Variants in UPK3B observed in about 807,000 individuals in gnomAD.
UPK3B encodes the protein uroplakin-3b.
A neutral mutation model predicts 27.6 loss-of-function variants in UPK3B; 21 were observed. The observed-to-expected ratio is 0.76, with a 90% CI of 0.54 to 1.10. UPK3B has a LOEUF of 1.10. Among genes scored for constraint, UPK3B ranks in the 50% least tolerant of loss-of-function variants. The pLI is 0.00. For synonymous variants in UPK3B, 141 were observed against 162.3 expected (o/e 0.87, Z 1.00); for missense variants, 306 against 376.1 (o/e 0.81, Z 1.54).
rs1421919074 is a variant in UPK3B, at chr7:76,511,823, C to A, written c.402C>A (p.Asp134Glu). The part of the protein sequence containing the change: ...GGAPVLRVGH[D>E]HGCHQQPFCN... ...CCCCCGTGCTGCGGGTGGGCCATGA[C>A]CACGGCTGCCACCAGCAGCCCTTCT... The change falls in exon 3 of 6, where the codon GAC (aspartate) becomes GAA (glutamate). Residue 134 changes from aspartate to glutamate, a missense_variant. Coordinates refer to ENST00000334348, the MANE Select transcript of UPK3B (RefSeq NM_001347684.2). 1.3e-6 allele frequency: 2 copies of A among 1,501,514 alleles called. No homozygotes were observed. The highest frequency in any genetic ancestry group is 1.8e-6 in the Non-Finnish European group (2 of 1,121,362). 93.0% of individuals were successfully genotyped at this position (1,501,514 alleles called of 1,614,324 possible).
In UPK3B at chr7:76,513,150, C is replaced by G. The variant is rs1812594559; in HGVS notation, c.528C>G (p.Ile176Met). ...CTGAGACCAAGTGGTCAGACCCCAT[C>G]ACTCTCCACCAAGGTAGCGCTGGGC... The part of the protein sequence containing the change: ...PRAETKWSDP[I>M]TLHQGKTPGS... The change falls in exon 4 of 6, where the codon ATC (isoleucine) becomes ATG (methionine). Residue 176 changes from isoleucine (I) to methionine (M), a missense_variant. Physicochemically the swap from Ile to Met is conservative, Grantham distance 10. Transcript: ENST00000334348. 6.2e-7 allele frequency: 1 copy of G among 1,613,616 alleles called. No homozygotes were observed. The highest frequency in any genetic ancestry group is 8.5e-7 in the Non-Finnish European group (1 of 1,179,906).
chr7:76,516,139 G>T lies in UPK3B; in HGVS notation c.*935G>T. On this transcript the variant is annotated 3_prime_UTR_variant, in exon 6 of 6. Transcript: ENST00000334348. ...GTGAGCCGCAGCCAGGCCGCCTCAC[G>T]GCCAGTGTGCATGCTCGCTGCTATT... The T allele has an allele frequency of 3.8e-5, 23 of 611,694 alleles. 10 individuals are homozygous for T. Among genetic ancestry groups the T allele is most frequent in the Non-Finnish European group, 4.3e-5 (23 of 529,924 alleles). The allele number at this position is 611,694 out of a possible 1,614,324, so 37.9% of individuals were successfully genotyped here.
Position 76,510,719 on chromosome 7 carries a change from C to G in UPK3B, c.67C>G (p.Arg23Gly). Reference protein sequence around the residue: ...QMLLLALNCLRPSLSLELVPY... With the variant: ...QMLLLALNCLGPSLSLELVPY... Reference sequence around the variant, plus strand: ...GCTCCTCCTGGCGTTGAACTGTCTCCGGCCCAGCCTGAGCCTGGGTGAGTG... The same window carrying G: ...GCTCCTCCTGGCGTTGAACTGTCTCGGGCCCAGCCTGAGCCTGGGTGAGTG... The change falls in exon 1 of 6, where the codon CGG becomes GGG. Residue 23 changes from arginine (R) to glycine (G), a missense_variant. By Grantham distance (125) the Arg-to-Gly change is moderately radical (BLOSUM62 -2). Around this residue, in one of 4 missense-constraint regions of UPK3B, gnomAD observed 33 missense variants for 30.9 expected, o/e 1.07. Transcript: ENST00000334348. The G allele has an allele frequency of 2.0e-6, 3 of 1,518,506 alleles. No homozygotes were observed. The highest frequency in any genetic ancestry group is 2.7e-6 in the Non-Finnish European group (3 of 1,131,748). 94.1% of individuals were successfully genotyped at this position (1,518,506 alleles called of 1,614,324 possible).
In UPK3B at chr7:76,515,357, AG is replaced by A; in HGVS notation, c.*154del. 1 of 1,493,444 alleles carries A rather than the reference AG, an allele frequency of 6.7e-7. No homozygotes were observed. 92.5% of individuals were successfully genotyped at this position (1,493,444 alleles called of 1,614,324 possible). ...GTACCCTGCCTGGAATCCCAGCACCAGCCCCCCTGCCTCTCCTCTGCCTTTC... is the reference window on the plus strand; with the variant it reads ...GTACCCTGCCTGGAATCCCAGCACCACCCCCCTGCCTCTCCTCTGCCTTTC... On this transcript the variant is annotated 3_prime_UTR_variant, in exon 6 of 6. Coordinates refer to ENST00000334348, the MANE Select transcript of UPK3B (RefSeq NM_001347684.2).
intron 2 of UPK3B, 37 bp downstream of exon 2, chr7:76,511,089 G>A (rs1198234293): frequency 7.1e-6 from 11 of 1,543,144 alleles, no homozygotes; most frequent in Admixed American, 5.5e-5. Flanking sequence ...TGAGGGTGAC[G>A]GCTGAGGAGA....
intron 4 of UPK3B, among the ~76,000 whole-genome samples, chr7:76,513,428 C>T (rs1363017561): frequency 2.0e-5 from 3 of 152,152 alleles, no homozygotes; most frequent in Non-Finnish European, 2.9e-5. Context: ...GGGAGTCAGC[C>T]TGTGTCAGCC....
intron 4 of UPK3B, among the ~76,000 whole-genome samples, 166 bp from the exon 5 acceptor site, chr7:76,513,781 G>A (rs191607186): frequency 2.0e-4 from 30 of 151,804 alleles, no homozygotes; most frequent in Non-Finnish European, 3.4e-4. Context: ...ATGCTGTGCC[G>A]TCCCGAGGAA....
Position 76,510,639 on chromosome 7 carries a change from T to G in UPK3B, c.-14T>G. On this transcript the variant is annotated 5_prime_UTR_variant, in exon 1 of 6. Transcript: ENST00000334348. ...CAGACCAGCCCCTGAGCCTCCCGGGTGCTGGCAGCTGTCATGGGGCTACCC... is the reference window on the plus strand; with the variant it reads ...CAGACCAGCCCCTGAGCCTCCCGGGGGCTGGCAGCTGTCATGGGGCTACCC... 6.9e-7 allele frequency: 1 copy of G among 1,450,960 alleles called. No individual in the cohort carries two copies. Among genetic ancestry groups the G allele is most frequent in the Non-Finnish European group, 9.1e-7 (1 of 1,095,088 alleles). The allele number at this position is 1,450,960 out of a possible 1,614,324, so 89.9% of individuals were successfully genotyped here. A position where few individuals can be genotyped will look rare whatever the true frequency, so the allele number is the denominator to read the frequency against.
intron 5 of UPK3B, among the ~76,000 whole-genome samples, chr7:76,514,602 A>C (rs1812663127): frequency 6.6e-6 from 1 of 152,102 alleles, no homozygotes; most frequent in South Asian, 2.1e-4. Context: ...GGGAGGAAGG[A>C]GGGATCAGAG....
intron 5 of UPK3B, among the ~76,000 whole-genome samples, chr7:76,514,427 G>A (rs909716747): frequency 2.6e-5 from 4 of 152,188 alleles, no homozygotes; most frequent in African/African-American, 9.6e-5. Context: ...AGGTTCGGGA[G>A]GTCCCGCCTC....
Position 76,514,090 on chromosome 7 carries a change from C to A in UPK3B, c.671+14C>A. On this transcript the variant is annotated intron_variant, in intron 5 of 5. Transcript: ENST00000334348. ...TACCATGCGCTTGTGAGTGGGGACA[C>A]CCCCTCGGGCCCCTCTCCCACCCAG... 5 of 1,613,874 alleles carry A rather than the reference C, an allele frequency of 3.1e-6. No individual in the cohort carries two copies. Among genetic ancestry groups the A allele is most frequent in the Non-Finnish European group, 4.2e-6 (5 of 1,179,884 alleles).
rs1319537832 is a variant in UPK3B at position 76,510,596 on chromosome 7, G to A, written c.-57G>A. On this transcript the variant is annotated 5_prime_UTR_variant, in exon 1 of 6. Coordinates refer to ENST00000334348, the MANE Select transcript of UPK3B (RefSeq NM_001347684.2). Reference sequence around the variant, plus strand: ...TCCAGGGCCAAGCTGTTGGGGGTGAGGTGCAGCCCGAAGCAGCCAGACCAG... The same window carrying A: ...TCCAGGGCCAAGCTGTTGGGGGTGAAGTGCAGCCCGAAGCAGCCAGACCAG... 3.0e-5 allele frequency: 42 copies of A among 1,380,206 alleles called. No individual in the cohort carries two copies. The highest frequency in any genetic ancestry group is 2.8e-6 in the Non-Finnish European group (3 of 1,057,650). 85.5% of individuals were successfully genotyped at this position (1,380,206 alleles called of 1,614,324 possible). A position where few individuals can be genotyped will look rare whatever the true frequency, so the allele number is the denominator to read the frequency against.
intron 3 of UPK3B, 52 bp downstream of exon 3, chr7:76,511,934 G>T (rs1390533754): frequency 1.7e-5 from 14 of 837,348 alleles, no homozygotes; most frequent in South Asian, 1.9e-5. Flanking sequence ...TGGGGCGGAC[G>T]CATTGCTGGG....
At position 76,511,507 on chromosome 7, in the gene UPK3B, G is replaced by A. The variant is rs578061706; in HGVS notation, c.236-150G>A. ...GAAGCTCCCCTTCAGGGGTAACAAA[G>A]TCGACTGGGTCTGGACTATCTCTGG... On this transcript the variant is annotated intron_variant, in intron 2 of 5. Transcript: ENST00000334348. 295 of 778,030 alleles carry A rather than the reference G, an allele frequency of 3.8e-4. 3 individuals carry two copies. The East Asian group carries it at 4.3e-3, about 11-fold the overall frequency. The allele number at this position is 778,030 out of a possible 1,614,324, so 48.2% of individuals were successfully genotyped here. A position where few individuals can be genotyped will look rare whatever the true frequency, so the allele number is the denominator to read the frequency against.
At chr7:76,514,989 G>C in intron 5 of UPK3B, 56 bp from the exon 6 acceptor site, 2 of 1,538,778 alleles carry the variant, frequency 1.3e-6, no homozygotes, top group Non-Finnish European at 1.8e-6. Flanking sequence ...CCTTGACCCA[G>C]CACGTGCCCC....
intron 4 of UPK3B, 87 bp from the exon 5 acceptor site, chr7:76,513,860 G>T (rs1448532204): frequency 3.8e-6 from 6 of 1,590,202 alleles, no homozygotes; most frequent in Non-Finnish European, 5.1e-6. Context: ...AGCTAGGCCA[G>T]CGTGGGTGGG....
At position 76,513,954 on chromosome 7, in the gene UPK3B, C is replaced by G. The variant is rs767089732; in HGVS notation, c.549C>G (p.Thr183=). ...SDPITLHQGK[T]PGSIDTWPGR... ...CAGCTGGTGTGTGTGCAGGGAAGACCCCCGGATCCATCGACACCTGGCCAG... is the reference window on the plus strand; with the variant it reads ...CAGCTGGTGTGTGTGCAGGGAAGACGCCCGGATCCATCGACACCTGGCCAG... Residue 183 remains threonine (T), a synonymous_variant, in exon 5 of 6, where the codon ACC becomes ACG. Transcript: ENST00000334348. 6.2e-7 allele frequency: 1 copy of G among 1,613,830 alleles called. No individual in the cohort carries two copies. Among genetic ancestry groups the G allele is most frequent in the South Asian group, 1.1e-5 (1 of 91,074 alleles).
rs1812587819 is a variant in UPK3B, at chr7:76,512,973, A to G, written c.462-111A>G. ...GCTGCTGCTCTTGACGGGCACCCCCACTCCACATCCATGGGAGGGCCCCAG... is the reference window on the plus strand; with the variant it reads ...GCTGCTGCTCTTGACGGGCACCCCCGCTCCACATCCATGGGAGGGCCCCAG... On this transcript the variant is annotated intron_variant, in intron 3 of 5. Coordinates refer to ENST00000334348, the MANE Select transcript of UPK3B (RefSeq NM_001347684.2). The G allele has an allele frequency of 1.5e-5, 12 of 821,926 alleles. 1 individual carries two copies. The South Asian group carries it at 2.0e-4, about 13-fold the overall frequency. The allele number at this position is 821,926 out of a possible 1,614,324, so 50.9% of individuals were successfully genotyped here.
chr7:76,510,635 C>G lies in UPK3B; in HGVS notation c.-18C>G. On this transcript the variant is annotated 5_prime_UTR_variant, in exon 1 of 6. Coordinates refer to ENST00000334348, the MANE Select transcript of UPK3B (RefSeq NM_001347684.2). ...CAGCCAGACCAGCCCCTGAGCCTCCCGGGTGCTGGCAGCTGTCATGGGGCT... is the reference window on the plus strand; with the variant it reads ...CAGCCAGACCAGCCCCTGAGCCTCCGGGGTGCTGGCAGCTGTCATGGGGCT... The G allele has an allele frequency of 1.4e-6, 2 of 1,453,044 alleles. No individual in the cohort carries two copies. Among genetic ancestry groups the G allele is most frequent in the Non-Finnish European group, 1.8e-6 (2 of 1,096,370 alleles). 90.0% of individuals were successfully genotyped at this position (1,453,044 alleles called of 1,614,324 possible).
Sources: gnomAD v4.1 joint callset for allele counts (sites outside exome capture counted in the v4.1 genomes callset) on GRCh38, gnomAD v4.1.1 for gene constraint, gnomAD v4.1.1 regional missense constraint, MANE v1.5 for transcripts, NCBI Gene and HGNC (gene_info 2026-07-23, HGNC 2026-07-21) for gene names.